The following DLEC1 variants were observed in gnomAD, a reference collection of about 807,000 sequenced individuals.
DLEC1 encodes DLEC1 cilia and flagella associated protein.
Under a neutral mutation model 198.1 loss-of-function variants are expected in DLEC1, and 146 were observed. The observed-to-expected ratio is 0.74, with a 90% confidence interval of 0.64 to 0.85. The LOEUF is 0.85. Among genes scored for constraint, DLEC1 ranks in the 40% least tolerant of loss-of-function variants. The pLI is 0.00. For missense variants in DLEC1, 2,233 were observed against 2,220.0 expected (o/e 1.01, Z -0.12); for synonymous variants, 897 against 866.8 (o/e 1.03, Z -0.61).
At chr3:38,105,695 G>C (rs1481943876) in intron 19 of DLEC1, among the ~76,000 whole-genome samples, 1 of 151,978 alleles carries the variant, frequency 6.6e-6, no homozygotes, top group Non-Finnish European at 1.5e-5. Flanking sequence ...CATATACTTG[G>C]ATCATTTTTT....
intron 7 of DLEC1, among the ~76,000 whole-genome samples, 175 bp from the exon 8 acceptor site, chr3:38,085,099 G>A (rs984265809): frequency 3.9e-5 from 6 of 152,166 alleles, no homozygotes; most frequent in African/African-American, 9.7e-5. Flanking sequence ...ACCTGGAGTC[G>A]CCACCCTTGC....
chr3:38,075,217 C>A (rs1025160540), intron 6 of DLEC1, among the ~76,000 whole-genome samples: 27 of 151,952 alleles, frequency 1.8e-4, no homozygotes, highest in Non-Finnish European at 3.5e-4. Flanking sequence ...TGGGAGGAAT[C>A]GCATTGGGAA....
At position 38,110,276 on chromosome 3, in the gene DLEC1, C is replaced by A; in HGVS notation, c.3438C>A (p.Thr1146=). 6.2e-7 allele frequency: 1 copy of A among 1,614,100 alleles called. No individual in the cohort carries two copies. Among genetic ancestry groups the A allele is most frequent in the South Asian group, 1.1e-5 (1 of 91,082 alleles). ...GSPQNSLSKK[T]SLPNMPPALL... The stretch of plus-strand genomic sequence containing the variant: ...CCCAAAACAGCCTGAGCAAAAAGAC[C>A]AGCCTGTAAGTCTTGCTTCTTTCAC... Residue 1146 remains threonine, a synonymous_variant, in exon 23 of 37, where the codon ACC becomes ACA. Coordinates refer to ENST00000308059, the MANE Select transcript of DLEC1 (RefSeq NM_007335.4).
chr3:38,107,299 C>A (rs866932810), intron 19 of DLEC1, among the ~76,000 whole-genome samples: 2 of 152,264 alleles, frequency 1.3e-5, no homozygotes, highest in African/African-American at 4.8e-5. Context: ...GTTCTTGCAA[C>A]AATTTCTCTT....
In DLEC1 at chr3:38,084,488, G is replaced by GGTT. The variant is rs1559430479; in HGVS notation, c.1261+245_1261+246insTGT. Among the ~76,000 whole-genome samples, 37 of 14,850 alleles carry GGTT rather than the reference G, an allele frequency of 2.5e-3. 2 individuals are homozygous for GGTT. The highest frequency in any genetic ancestry group is 3.9e-3 in the Non-Finnish European group (26 of 6,692). 9.7% of individuals were successfully genotyped at this position (14,850 alleles called of 152,430 possible). ...TAGTAGTGGTGGTGGTGGTAGTAGT[G>GGTT]GTGGTAGTAGTAGTGGTAGTAGTAG... On this transcript the variant is annotated intron_variant, in intron 7 of 36. Transcript: ENST00000308059.
rs776246667 is a variant in DLEC1 at position 38,097,653 on chromosome 3, C to T, written c.2565+16C>T. 3.2e-5 allele frequency: 52 copies of T among 1,614,026 alleles called. No individual in the cohort carries two copies. The highest frequency in any genetic ancestry group is 6.7e-5 in the African/African-American group (5 of 74,918). On this transcript the variant is annotated intron_variant, in intron 17 of 36. Coordinates refer to ENST00000308059, the MANE Select transcript of DLEC1 (RefSeq NM_007335.4). ...TGTCTTTAAGGTGCTGCAGGTGGAG[C>T]TGGGCAGTGGGGTGGGCCCAGAGAG...
chr3:38,084,551 GGTA>G (rs1559430836), intron 7 of DLEC1, among the ~76,000 whole-genome samples: 2 of 4,304 alleles, frequency 4.6e-4, no homozygotes, highest in African/African-American at 3.8e-3. Flanking sequence ...TAGTAGTAGT[GGTA>G]GTAGTAGTGG....
intron 19 of DLEC1, among the ~76,000 whole-genome samples, chr3:38,105,957 C>T (rs1699547096): frequency 6.6e-6 from 1 of 152,022 alleles, no homozygotes; most frequent in Non-Finnish European, 1.5e-5. Context: ...TATTTTCTTA[C>T]TGGTTGTCCA....
intron 7 of DLEC1, among the ~76,000 whole-genome samples, 159 bp downstream of exon 7, chr3:38,084,404 G>GTA (rs1559430000): frequency 8.8e-6 from 1 of 113,088 alleles, no homozygotes; most frequent in African/African-American, 3.1e-5. Context: ...TAGTAGTAGT[G>GTA]GTGGTGGTAG....
At position 38,112,280 on chromosome 3, in the gene DLEC1, G is replaced by A. The variant is rs1326304870; in HGVS notation, c.3585G>A (p.Leu1195=). Residue 1195 remains leucine, a synonymous_variant, in exon 25 of 37, where the codon CTG becomes CTA. Transcript: ENST00000308059. This position sits in a 1 kb window ranked among gnomAD's most constrained non-coding sequence, Gnocchi z 4.8. Reference sequence around the variant, plus strand: ...TCCCTCACTTTTCCCAGGGCATGCTGGGGCCCTACCAGCAGCTGTGCATTG... The same window carrying A: ...TCCCTCACTTTTCCCAGGGCATGCTAGGGCCCTACCAGCAGCTGTGCATTG... ...AFFPHFSQGM[L]GPYQQLCIDI... is the part of the protein sequence containing the mutation. 6.2e-7 allele frequency: 1 copy of A among 1,614,168 alleles called. No individual in the cohort carries two copies. Among genetic ancestry groups the A allele is most frequent in the Admixed American group, 1.7e-5 (1 of 60,026 alleles).
chr3:38,105,451 T>TAAA (rs1433753371), intron 19 of DLEC1, among the ~76,000 whole-genome samples: 1 of 152,184 alleles, frequency 6.6e-6, no homozygotes, highest in Non-Finnish European at 1.5e-5. Flanking sequence ...TGTGGTGCTG[T>TAAA]TGTTAGATAC....
At chr3:38,074,160 G>A (rs1156246418) in intron 6 of DLEC1, among the ~76,000 whole-genome samples, 2 of 152,248 alleles carry the variant, frequency 1.3e-5, no homozygotes, top group African/African-American at 4.8e-5. Flanking sequence ...AGGAATGCTT[G>A]ACTGCTGCAG....
intron 29 of DLEC1, 32 bp downstream of exon 29, chr3:38,116,921 C>A: frequency 2.5e-6 from 4 of 1,611,966 alleles, no homozygotes; most frequent in Non-Finnish European, 3.4e-6. Context: ...GAGCTGTCTG[C>A]ATTGGCCGGC....
chr3:38,041,378 A>G (rs549898067), intron 1 of DLEC1, among the ~76,000 whole-genome samples: 15 of 152,274 alleles, frequency 9.9e-5, no homozygotes, highest in African/African-American at 3.6e-4. Flanking sequence ...TCTGGCCTCA[A>G]TTGATCCTTC....
Position 38,116,962 on chromosome 3 carries a change from G to A in DLEC1, c.4180-13G>A, listed in dbSNP as rs892362442. On this transcript the variant is annotated splice_polypyrimidine_tract_variant and intron_variant, in intron 29 of 36. Coordinates refer to ENST00000308059, the MANE Select transcript of DLEC1 (RefSeq NM_007335.4). ...GGCATGGGACAGTGCTAAGGCTGCT[G>A]TGTCTATGCCAGGTGGTCCCTGCTG... is the stretch of plus-strand genomic sequence containing the variant. The A allele has an allele frequency of 2.5e-6, 4 of 1,613,626 alleles. No homozygotes were observed. The highest frequency in any genetic ancestry group is 1.7e-4 in the Middle Eastern group (1 of 6,058).
At chr3:38,040,429 C>T (rs903539222) in intron 1 of DLEC1, among the ~76,000 whole-genome samples, 1 of 152,218 alleles carries the variant, frequency 6.6e-6, no homozygotes, top group African/African-American at 2.4e-5. Context: ...GCAACCTGTC[C>T]TCTGTAGCTT....
At chr3:38,052,417 C>T (rs1229693441) in intron 2 of DLEC1, 1 of 197,484 alleles carries the variant, frequency 5.1e-6, no homozygotes, top group African/African-American at 2.3e-5. Flanking sequence ...AGTTGAACCA[C>T]AAATAAGCAA....
chr3:38,112,070 G>A lies in DLEC1; in HGVS notation c.3515-140G>A, dbSNP rs1699913246. The A allele has an allele frequency of 1.5e-6, 2 of 1,350,976 alleles. No individual in the cohort carries two copies. The highest frequency in any genetic ancestry group is 2.0e-5 in the Admixed American group (1 of 50,478). The allele number at this position is 1,350,976 out of a possible 1,614,324, so 83.7% of individuals were successfully genotyped here. ...CTTGCCTCTGGATTCCAGGCTCCCA[G>A]GAGGAGGGCACATGTAGCCTGACCA... On this transcript the variant is annotated intron_variant, in intron 24 of 36. Coordinates refer to ENST00000308059, the MANE Select transcript of DLEC1 (RefSeq NM_007335.4). This position sits in a 1 kb window ranked among gnomAD's most constrained non-coding sequence, Gnocchi z 4.8.
chr3:38,046,873 C>G (rs1446968022), intron 2 of DLEC1, among the ~76,000 whole-genome samples: 2 of 152,126 alleles, frequency 1.3e-5, no homozygotes, highest in African/African-American at 2.4e-5. Context: ...GGAACAATTC[C>G]TTGATCTTTT....
Sources: allele counts gnomAD v4.1 joint callset (sites outside exome capture counted in the v4.1 genomes callset), GRCh38; gene constraint gnomAD v4.1.1; non-coding constraint Gnocchi (gnomAD v3.1); transcripts MANE v1.5; gene names NCBI Gene and HGNC (gene_info 2026-07-23, HGNC 2026-07-21).